The following QRICH1 variants were observed in gnomAD, a reference collection of about 807,000 sequenced individuals.
QRICH1 encodes the protein glutamine rich 1.
A neutral mutation model predicts 87.1 loss-of-function variants in QRICH1; 16 were observed. That is an observed-to-expected ratio of 0.18 (90% CI 0.12 to 0.28). QRICH1 has a LOEUF of 0.28. Ranked by LOEUF, QRICH1 falls within the 10% of genes least tolerant of loss-of-function variation. QRICH1 has a pLI of 1.00. For missense variants in QRICH1, 647 were observed against 951.7 expected, an observed-to-expected ratio of 0.68 and a Z score of 4.21; for synonymous variants, 367 against 368.4, an observed-to-expected ratio of 1.00 and a Z score of 0.05.
intron 1 of QRICH1, chr3:49,087,052 T>G (rs1000901895): frequency 6.8e-6 from 1 of 146,156 alleles, no homozygotes; most frequent in Non-Finnish European, 1.5e-5. Flanking sequence ...AGGTTGGGAG[T>G]TCAAGACCAG....
chr3:49,061,496 C>A (rs929485079), intron 2 of QRICH1, among the ~76,000 whole-genome samples: 3 of 151,952 alleles, frequency 2.0e-5, no homozygotes, highest in Non-Finnish European at 2.9e-5. Flanking sequence ...CAGCTTTTAC[C>A]ATCAGACACA....
At chr3:49,091,882 T>C (rs1176422168) in intron 1 of QRICH1, among the ~76,000 whole-genome samples, 3 of 152,136 alleles carry the variant, frequency 2.0e-5, no homozygotes, top group Non-Finnish European at 1.5e-5. Flanking sequence ...ACCAGTCTGA[T>C]CAACATGGTG....
chr3:49,073,497 G>A (rs182560657), intron 2 of QRICH1, among the ~76,000 whole-genome samples: 4 of 149,644 alleles, frequency 2.7e-5, no homozygotes, highest in African/African-American at 4.9e-5. Flanking sequence ...CTGAGATCAC[G>A]CCACTGCTCT....
At chr3:49,044,046 T>C (rs2093326252) in intron 6 of QRICH1, among the ~76,000 whole-genome samples, 1 of 152,214 alleles carries the variant, frequency 6.6e-6, no homozygotes, top group South Asian at 2.1e-4. Context: ...TCCAGAAGGC[T>C]GCCTGTGAGT....
At chr3:49,061,275 G>A (rs1287572046) in intron 2 of QRICH1, among the ~76,000 whole-genome samples, 4 of 151,320 alleles carry the variant, frequency 2.6e-5, no homozygotes, top group African/African-American at 4.9e-5. Context: ...TGCAAAAAAC[G>A]TTGGGGACCA....
chr3:49,055,871 G>A (rs1485475353), intron 3 of QRICH1, among the ~76,000 whole-genome samples: 1 of 152,094 alleles, frequency 6.6e-6, no homozygotes, highest in African/African-American at 2.4e-5. Context: ...TAGAGACGGG[G>A]TTTCACCATG....
chr3:49,075,396 C>T (rs1393718730), intron 2 of QRICH1, among the ~76,000 whole-genome samples: 3 of 151,500 alleles, frequency 2.0e-5, no homozygotes, highest in African/African-American at 7.3e-5. Context: ...TTTGGGAGCC[C>T]GAGAAGGGCA....
chr3:49,050,100 G>T (rs1254419689), intron 3 of QRICH1, among the ~76,000 whole-genome samples: 2 of 151,592 alleles, frequency 1.3e-5, no homozygotes, highest in Non-Finnish European at 2.9e-5. Flanking sequence ...ACTTTGGGAG[G>T]CCGAGGCGGG....
chr3:49,054,271 A>G (rs944791949), intron 3 of QRICH1, among the ~76,000 whole-genome samples: 1 of 152,206 alleles, frequency 6.6e-6, no homozygotes, highest in African/African-American at 2.4e-5. Flanking sequence ...CAGGAGAGCT[A>G]GGGGAGGCCT....
chr3:49,087,832 A>AAAAAAAAAAAAAAAAAAAAAAC (rs1298816161), intron 1 of QRICH1, among the ~76,000 whole-genome samples: 1 of 149,126 alleles, frequency 6.7e-6, no homozygotes, highest in Non-Finnish European at 1.5e-5. Context: ...AAAAAAAAAA[A>AAAAAAAAAAAAAAAAAAAAAAC]AAAAAAAGAA....
chr3:49,031,424 T>A (rs887965827), intron 9 of QRICH1, among the ~76,000 whole-genome samples: 1 of 152,144 alleles, frequency 6.6e-6, no homozygotes, highest in Non-Finnish European at 1.5e-5. Flanking sequence ...TATTCATCCA[T>A]CCATTCAAGA....
intron 1 of QRICH1, among the ~76,000 whole-genome samples, chr3:49,088,552 C>T (rs1054527855): frequency 2.0e-5 from 3 of 151,138 alleles, no homozygotes; most frequent in Admixed American, 6.6e-5. Context: ...TTCATTTCCA[C>T]GGCCCCCCTC....
At chr3:49,039,788 G>C (rs763757437) in intron 6 of QRICH1, among the ~76,000 whole-genome samples, 1 of 151,834 alleles carries the variant, frequency 6.6e-6, no homozygotes, top group African/African-American at 2.4e-5. Context: ...GGCCAGGCTC[G>C]GTGGCTCATG....
intron 2 of QRICH1, among the ~76,000 whole-genome samples, chr3:49,071,661 A>G (rs1050057736): frequency 3.9e-5 from 6 of 152,214 alleles, no homozygotes; most frequent in African/African-American, 1.4e-4. Flanking sequence ...TGTAAAAAAC[A>G]GCAGAATAAT....
chr3:49,070,954 T>C (rs2093497002), intron 2 of QRICH1, among the ~76,000 whole-genome samples: 1 of 152,066 alleles, frequency 6.6e-6, no homozygotes, highest in Admixed American at 6.6e-5. Flanking sequence ...ACCCAGGCTG[T>C]GGTGCAGTGG....
chr3:49,080,527 A>C lies in QRICH1; in HGVS notation c.-21-3489T>G, dbSNP rs140417853. 2.8e-3 allele frequency among the ~76,000 whole-genome samples: 431 copies of C among 152,246 alleles called. 3 individuals are homozygous for C. The highest frequency in any genetic ancestry group is 9.6e-3 in the African/African-American group (401 of 41,576). ...AATTTAAAAAAAAACAAGAAAAAAG[A>C]AACACCTCAAACAAAGTTTACAGAA... On this transcript the variant is annotated intron_variant, in intron 1 of 9. Coordinates refer to ENST00000395443, the MANE Select transcript of QRICH1 (RefSeq NM_198880.3).
At chr3:49,071,419 T>C (rs558768188) in intron 2 of QRICH1, among the ~76,000 whole-genome samples, 5 of 152,154 alleles carry the variant, frequency 3.3e-5, no homozygotes, top group African/African-American at 7.2e-5. Flanking sequence ...CACTTTGTAT[T>C]TGTAATCCAA....
At chr3:49,090,801 CAATTT>C (rs2042261887) in intron 1 of QRICH1, among the ~76,000 whole-genome samples, 1 of 152,140 alleles carries the variant, frequency 6.6e-6, no homozygotes, top group East Asian at 1.9e-4. Context: ...GCAGCCACAT[CAATTT>C]AATAACAGAA....
At chr3:49,042,809 G>C (rs1254019727) in intron 6 of QRICH1, among the ~76,000 whole-genome samples, 1 of 152,062 alleles carries the variant, frequency 6.6e-6, no homozygotes, top group Non-Finnish European at 1.5e-5. Flanking sequence ...CCAATATTCA[G>C]TGATCAGCCC....
Sources: gnomAD v4.1 joint callset for allele counts (sites outside exome capture counted in the v4.1 genomes callset) on GRCh38, gnomAD v4.1.1 for gene constraint, MANE v1.5 for transcripts, NCBI Gene and HGNC (gene_info 2026-07-23, HGNC 2026-07-21) for gene names.